KAZN: variants seen among roughly 807,000 people sequenced by gnomAD.
KAZN encodes the protein kazrin, periplakin interacting protein.
Under a neutral mutation model 87.4 loss-of-function variants are expected in KAZN, and 40 were observed. That is an observed-to-expected ratio of 0.46 (90% CI 0.36 to 0.60). The LOEUF (loss-of-function observed/expected upper bound fraction) is 0.60. Among genes scored for constraint, KAZN ranks in the 20% least tolerant of loss-of-function variants. KAZN has a pLI of 0.00. For synonymous variants in KAZN, 466 were observed against 458.3 expected (o/e 1.02, Z -0.22); for missense variants, 898 against 1,073.9 (o/e 0.84, Z 2.29).
chr1:14,383,858 A>T lies in KAZN; in HGVS notation c.249+203266A>T, dbSNP rs543769526. ...TTTTTCCAATTCTGTGAAGAAAGTC[A>T]TTGGTAGCTTGATGGGGATGGCATT... On this transcript the variant is annotated intron_variant, in intron 2 of 16. Coordinates refer to the KAZN transcript ENST00000636203. Among the ~76,000 whole-genome samples, 99 of 152,096 alleles carry T rather than the reference A, an allele frequency of 6.5e-4. 1 individual carries two copies. Among genetic ancestry groups the T allele is most frequent in the African/African-American group, 2.2e-3 (93 of 41,456 alleles).
intron 1 of KAZN, among the ~76,000 whole-genome samples, chr1:14,681,815 A>G (rs2148763861): frequency 6.8e-6 from 1 of 146,602 alleles, no homozygotes; most frequent in South Asian, 2.2e-4. Context: ...CTCAGCATCC[A>G]CGAGTAGCTG....
intron 1 of KAZN, among the ~76,000 whole-genome samples, chr1:14,633,786 T>C (rs1176421276): frequency 6.6e-6 from 1 of 152,102 alleles, no homozygotes; most frequent in African/African-American, 2.4e-5. Flanking sequence ...CTTGGGGACA[T>C]GATTATGAAA....
intron 1 of KAZN, among the ~76,000 whole-genome samples, chr1:14,171,799 A>G (rs1338983225): frequency 6.6e-6 from 1 of 152,178 alleles, no homozygotes; most frequent in Non-Finnish European, 1.5e-5. Flanking sequence ...ACTCATCTAC[A>G]TAAAAAGAGT....
chr1:14,170,742 GA>G (rs1645937210), intron 1 of KAZN, among the ~76,000 whole-genome samples: 1 of 147,270 alleles, frequency 6.8e-6, no homozygotes, highest in South Asian at 2.1e-4. Flanking sequence ...TTTTTTCTGA[GA>G]CAGAGTCTCA....
chr1:14,654,111 C>T (rs933661963), intron 1 of KAZN, among the ~76,000 whole-genome samples: 45 of 152,160 alleles, frequency 3.0e-4, no homozygotes, highest in Admixed American at 2.2e-3. Flanking sequence ...CATGGTGAAA[C>T]CCCTGTCTCT....
At chr1:14,397,087 A>T (rs1662965827) in intron 2 of KAZN, among the ~76,000 whole-genome samples, 1 of 152,196 alleles carries the variant, frequency 6.6e-6, no homozygotes, top group Non-Finnish European at 1.5e-5. Context: ...AGACTGAAAT[A>T]GGATTGCAGT....
chr1:14,391,748 A>G (rs1410051033), intron 2 of KAZN, among the ~76,000 whole-genome samples: 1 of 152,186 alleles, frequency 6.6e-6, no homozygotes, highest in Non-Finnish European at 1.5e-5. Flanking sequence ...ACGTCTCAGT[A>G]AGATTCAGGC....
rs566474032 is a variant in KAZN, at chr1:14,682,479, A to G, written c.226+83256A>G. Among the ~76,000 whole-genome samples, 4 of 151,752 alleles carry G rather than the reference A, an allele frequency of 2.6e-5. No homozygotes were observed. In the South Asian group the frequency reaches 8.4e-4, roughly 32 times the overall value. ...ATTTTTAAAAATTCATTGTAGAGACAGGATCTCCCTGTTGCCCATACTGGT... is the reference window on the plus strand; with the variant it reads ...ATTTTTAAAAATTCATTGTAGAGACGGGATCTCCCTGTTGCCCATACTGGT... On this transcript the variant is annotated intron_variant, in intron 1 of 14. Coordinates refer to ENST00000376030, the MANE Select transcript of KAZN (RefSeq NM_201628.3).
chr1:14,107,838 T>A (rs1356229055), intron 1 of KAZN, among the ~76,000 whole-genome samples: 1 of 152,156 alleles, frequency 6.6e-6, no homozygotes, highest in Non-Finnish European at 1.5e-5. Flanking sequence ...ACTGCTCAAT[T>A]CTGTAGATGC....
chr1:14,333,992 G>A (rs1452981397), intron 2 of KAZN, among the ~76,000 whole-genome samples: 1 of 152,138 alleles, frequency 6.6e-6, no homozygotes, highest in Non-Finnish European at 1.5e-5. Flanking sequence ...CTTTCACCCT[G>A]CAGGAAATGG....
intron 1 of KAZN, among the ~76,000 whole-genome samples, chr1:14,036,171 A>T (rs370568806): frequency 2.0e-5 from 3 of 152,208 alleles, no homozygotes; most frequent in Non-Finnish European, 4.4e-5. Context: ...GGAGTTTCTC[A>T]TGGTAGCTGA....
intron 6 of KAZN, 80 bp downstream of exon 6, chr1:15,060,382 T>C: frequency 6.4e-7 from 1 of 1,563,186 alleles, no homozygotes; most frequent in Non-Finnish European, 8.8e-7. Context: ...GGTGAAGCCA[T>C]ACTCGCTGTT....
At chr1:14,753,844 C>T (rs905792135) in intron 1 of KAZN, among the ~76,000 whole-genome samples, 10 of 152,178 alleles carry the variant, frequency 6.6e-5, no homozygotes, top group Non-Finnish European at 8.8e-5. Flanking sequence ...CTGGAGGCTG[C>T]GAAGTCCAAG....
chr1:14,930,034 G>A (rs1309618460), intron 1 of KAZN: 1 of 985,574 alleles, frequency 1.0e-6, no homozygotes, highest in Non-Finnish European at 1.2e-6. Context: ...GGAACCAGAA[G>A]AGTGTGACAG....
At position 14,222,837 on chromosome 1, in the gene KAZN, T is replaced by G. The variant is rs186851062; in HGVS notation, c.249+42245T>G. ...CCCAGTATTTTGAATCTGCAAATAT[T>G]ATGATGAATAGGTATCTCAGGATAA... On this transcript the variant is annotated intron_variant, in intron 2 of 16. Coordinates refer to the KAZN transcript ENST00000636203. Among the ~76,000 whole-genome samples the G allele has an allele frequency of 4.6e-5, 7 of 152,326 alleles. No homozygotes were observed. In the East Asian group the frequency reaches 1.3e-3, roughly 29 times the overall value.
intron 1 of KAZN, among the ~76,000 whole-genome samples, chr1:14,702,326 C>CTGTGTGTG (rs3222186): frequency 0.081 from 10,755 of 133,200 alleles, 497 homozygotes; most frequent in South Asian, 0.1. Context: ...TTTTGCAAAA[C>CTGTGTGTG]TGTGTGTGTG....
In KAZN at chr1:14,777,160, T is replaced by G. The variant is rs1350777643; in HGVS notation, c.226+177937T>G. On this transcript the variant is annotated intron_variant, in intron 1 of 14. Transcript: ENST00000376030. ...CCGCCACCACACCCAGCTAATTTTT[T>G]TTTTTTTTTGTATTTTTAGTAGAGA... Among the ~76,000 whole-genome samples the G allele has an allele frequency of 2.9e-3, 255 of 87,038 alleles. 1 individual carries two copies. The highest frequency in any genetic ancestry group is 0.018 in the Admixed American group (184 of 10,130). The allele number at this position is 87,038 out of a possible 152,430, so 57.1% of individuals were successfully genotyped here.
intron 2 of KAZN, among the ~76,000 whole-genome samples, chr1:14,417,963 T>C (rs981621142): frequency 8.9e-6 from 1 of 112,518 alleles, no homozygotes; most frequent in East Asian, 3.0e-4. Flanking sequence ...ACCACTGCAC[T>C]CCAGGCTGGG....
intron 2 of KAZN, among the ~76,000 whole-genome samples, chr1:14,237,913 C>G (rs544833884): frequency 9.8e-5 from 15 of 152,300 alleles, no homozygotes; most frequent in African/African-American, 2.4e-4. Flanking sequence ...CTAGAGAGTT[C>G]TTCTTCCAAT....
Sources: gnomAD v4.1 joint callset for allele counts (sites outside exome capture counted in the v4.1 genomes callset) on GRCh38, gnomAD v4.1.1 for gene constraint, MANE v1.5 for transcripts, NCBI Gene and HGNC (gene_info 2026-07-23, HGNC 2026-07-21) for gene names.